Variants in ADK observed in about 807,000 individuals in gnomAD.
ADK encodes the protein adenosine kinase, also known as N6,N6-dimethyladenosine kinase.
In ADK, 24 loss-of-function variants were observed where a neutral mutation model predicts 44.7. The ratio of observed to expected loss-of-function variants is 0.54; its 90% CI spans 0.39 to 0.76. The LOEUF is 0.76. Among genes scored for constraint, ADK ranks in the 30% least tolerant of loss-of-function variants. The probability of loss-of-function intolerance (pLI) is 0.00; values close to 1 mark genes in which losing one functional copy is unlikely to be tolerated. For missense variants in ADK, 321 were observed against 425.1 expected, an observed-to-expected ratio of 0.76 and a Z score of 2.15; for synonymous variants, 128 against 142.6, an observed-to-expected ratio of 0.90 and a Z score of 0.73.
intron 9 of ADK, among the ~76,000 whole-genome samples, chr10:74,603,541 G>T (rs1308400155): frequency 6.6e-6 from 1 of 152,120 alleles, no homozygotes; most frequent in East Asian, 1.9e-4. Flanking sequence ...AGTTTGCTGA[G>T]AATGATGGTT....
At chr10:74,567,911 G>C (rs377602989) in intron 7 of ADK, among the ~76,000 whole-genome samples, 66 of 151,948 alleles carry the variant, frequency 4.3e-4, no homozygotes, top group African/African-American at 1.5e-3. Flanking sequence ...GAGTTAGCCA[G>C]GATGGTCTCA....
chr10:74,593,797 T>A (rs767853898), intron 8 of ADK, among the ~76,000 whole-genome samples: 8 of 152,210 alleles, frequency 5.3e-5, no homozygotes, highest in Non-Finnish European at 1.0e-4. Context: ...AACCTTTGTA[T>A]AACCAGCTGG....
At chr10:74,302,118 T>TG (rs1564642322) in intron 3 of ADK, among the ~76,000 whole-genome samples, 174 of 55,456 alleles carry the variant, frequency 3.1e-3, no homozygotes, top group African/African-American at 8.8e-3. Flanking sequence ...TGTTTTTTTT[T>TG]TTTTTTTTTT....
intron 2 of ADK, among the ~76,000 whole-genome samples, chr10:74,219,445 C>A (rs1844202173): frequency 6.6e-6 from 1 of 152,110 alleles, no homozygotes; most frequent in African/African-American, 2.4e-5. Context: ...CCACTATCAA[C>A]ATTAGACAGA....
intron 3 of ADK, among the ~76,000 whole-genome samples, chr10:74,263,852 T>C (rs1846128813): frequency 6.6e-6 from 1 of 152,226 alleles, no homozygotes. Flanking sequence ...ATATGTAATT[T>C]ATTTTCACCT....
intron 4 of ADK, among the ~76,000 whole-genome samples, chr10:74,329,094 C>G (rs753335055): frequency 2.8e-4 from 25 of 90,622 alleles, no homozygotes; most frequent in Non-Finnish European, 4.8e-4. Context: ...AAAATCTAAT[C>G]TTCTGTGCAG....
chr10:74,631,234 G>A (rs555976356), intron 9 of ADK, among the ~76,000 whole-genome samples: 16 of 148,114 alleles, frequency 1.1e-4, no homozygotes, highest in South Asian at 1.1e-3. Context: ...ACCTGTGTGC[G>A]TGTGTGTGTG....
intron 6 of ADK, among the ~76,000 whole-genome samples, chr10:74,492,638 C>G (rs550147532): frequency 4.6e-5 from 7 of 152,138 alleles, no homozygotes; most frequent in Non-Finnish European, 1.0e-4. Flanking sequence ...GTTAACACAT[C>G]TGACTTTATC....
chr10:74,380,665 G>A (rs769553054), intron 4 of ADK, among the ~76,000 whole-genome samples: 2 of 152,086 alleles, frequency 1.3e-5, no homozygotes, highest in Non-Finnish European at 2.9e-5. Context: ...GGCTGAGGCA[G>A]GACAATCGCT....
Position 74,323,651 on chromosome 10 carries a change from A to G in ADK, c.273+8906A>G, listed in dbSNP as rs995516828. The stretch of plus-strand genomic sequence containing the variant: ...AGTGGCGCGATCTTGGCTCACTGTA[A>G]TCTCCACCTCCCGGGGTCACACCAT... On this transcript the variant is annotated intron_variant, in intron 4 of 10. Transcript: ENST00000539909. 6.7e-5 allele frequency among the ~76,000 whole-genome samples: 10 copies of G among 149,162 alleles called. 1 individual carries two copies. Among genetic ancestry groups the G allele is most frequent in the Non-Finnish European group, 1.0e-4 (7 of 67,144 alleles).
intron 10 of ADK, among the ~76,000 whole-genome samples, chr10:74,691,165 A>G (rs1389410602): frequency 6.6e-6 from 1 of 152,228 alleles, no homozygotes; most frequent in Non-Finnish European, 1.5e-5. Context: ...CCAGTTTAAG[A>G]CAGCATATAA....
At chr10:74,444,443 T>C (rs1320827495) in intron 6 of ADK, among the ~76,000 whole-genome samples, 1 of 152,128 alleles carries the variant, frequency 6.6e-6, no homozygotes, top group Non-Finnish European at 1.5e-5. Context: ...TGAACCTTTT[T>C]CTTGAAAGAG....
intron 4 of ADK, among the ~76,000 whole-genome samples, chr10:74,387,258 A>G (rs1412105153): frequency 6.6e-6 from 1 of 152,062 alleles, no homozygotes; most frequent in Admixed American, 6.6e-5. Context: ...TTAACATTAG[A>G]TTACTACATT....
At chr10:74,170,686 G>A (rs535166983) in intron 1 of ADK, among the ~76,000 whole-genome samples, 82 of 151,596 alleles carry the variant, frequency 5.4e-4, no homozygotes, top group Non-Finnish European at 9.4e-4. Flanking sequence ...TGTAGTCCCA[G>A]CTACTCGGGA....
chr10:74,179,052 T>G (rs2132075778), intron 1 of ADK, among the ~76,000 whole-genome samples: 1 of 152,354 alleles, frequency 6.6e-6, no homozygotes, highest in Admixed American at 6.5e-5. Context: ...TCTTTTGCTT[T>G]CTTCTTATCC....
intron 9 of ADK, among the ~76,000 whole-genome samples, chr10:74,604,631 G>C (rs1345987287): frequency 2.6e-5 from 4 of 152,118 alleles, no homozygotes; most frequent in African/African-American, 9.7e-5. Flanking sequence ...TTTCATACCA[G>C]TACCATGCTG....
chr10:74,510,988 G>A (rs950425623), intron 6 of ADK, among the ~76,000 whole-genome samples: 36 of 152,184 alleles, frequency 2.4e-4, no homozygotes, highest in Non-Finnish European at 3.5e-4. Flanking sequence ...GATCACAGGT[G>A]TGAGCCACCA....
At chr10:74,561,976 G>A (rs1357934138) in intron 7 of ADK, among the ~76,000 whole-genome samples, 1 of 152,200 alleles carries the variant, frequency 6.6e-6, no homozygotes, top group South Asian at 2.1e-4. Context: ...TTGTGAGATT[G>A]TATTCTTAAC....
At chr10:74,423,201 A>G (rs927009131) in intron 6 of ADK, among the ~76,000 whole-genome samples, 6 of 152,204 alleles carry the variant, frequency 3.9e-5, no homozygotes, top group Non-Finnish European at 7.3e-5. Context: ...GAAAATCAAT[A>G]TTATTTAAAA....
Sources: allele counts gnomAD v4.1 joint callset (sites outside exome capture counted in the v4.1 genomes callset), GRCh38; gene constraint gnomAD v4.1.1; transcripts MANE v1.5; gene names NCBI Gene and HGNC (gene_info 2026-07-23, HGNC 2026-07-21).